Variants in XKR4 observed in about 807,000 individuals in gnomAD.
XKR4 encodes the protein XK-related protein 4.
Under a neutral mutation model 53.9 loss-of-function variants are expected in XKR4, and 12 were observed. That is an observed-to-expected ratio of 0.22 (90% CI 0.14 to 0.36). The LOEUF (loss-of-function observed/expected upper bound fraction) is 0.36. Ranked by LOEUF, XKR4 falls within the 10% of genes least tolerant of loss-of-function variation. The probability of loss-of-function intolerance (pLI) is 1.00; values close to 1 mark genes in which losing one functional copy is unlikely to be tolerated. For missense variants in XKR4, 799 were observed against 859.5 expected (o/e 0.93, Z 0.88); for synonymous variants, 354 against 362.4 (o/e 0.98, Z 0.26).
intron 1 of XKR4, among the ~76,000 whole-genome samples, chr8:55,287,597 T>C (rs1013373499): frequency 6.6e-6 from 1 of 152,258 alleles, no homozygotes; most frequent in Admixed American, 6.5e-5. Flanking sequence ...CATCAGACCC[T>C]GCTGTCCTGA....
chr8:55,471,896 TTCCTGTACAG>T (rs1805890289), intron 2 of XKR4, among the ~76,000 whole-genome samples: 1 of 152,154 alleles, frequency 6.6e-6, no homozygotes, highest in South Asian at 2.1e-4. Context: ...GGCACCACAC[TTCCTGTACAG>T]CCTGCAGAAC....
At chr8:55,318,735 G>T (rs73606977) in intron 1 of XKR4, among the ~76,000 whole-genome samples, 1 of 152,184 alleles carries the variant, frequency 6.6e-6, no homozygotes, top group South Asian at 2.1e-4. Flanking sequence ...AAACATACAC[G>T]CAGAACATTA....
chr8:55,288,969 A>G (rs999103262), intron 1 of XKR4, among the ~76,000 whole-genome samples: 12 of 152,094 alleles, frequency 7.9e-5, no homozygotes, highest in Admixed American at 7.9e-4. Flanking sequence ...TGGACATCCC[A>G]CCAGGACGTT....
chr8:55,340,679 C>T (rs1163991495), intron 1 of XKR4, among the ~76,000 whole-genome samples: 2 of 152,176 alleles, frequency 1.3e-5, no homozygotes, highest in Non-Finnish European at 2.9e-5. Context: ...GATCACTCCT[C>T]GGCATCAAGA....
Position 55,453,146 on chromosome 8 carries a change from G to C in XKR4, c.1007-70135G>C, listed in dbSNP as rs1479362499. 6 of 524,216 alleles carry C rather than the reference G, an allele frequency of 1.1e-5. No homozygotes were observed. In the East Asian group the frequency reaches 3.2e-4, roughly 28 times the overall value. The allele number at this position is 524,216 out of a possible 1,614,324, so 32.5% of individuals were successfully genotyped here. A position where few individuals can be genotyped will look rare whatever the true frequency, so the allele number is the denominator to read the frequency against. On this transcript the variant is annotated intron_variant, in intron 2 of 2. Transcript: ENST00000327381. ...CAGTAGAACACGGCCTCCCAGAACT[G>C]TGGCATGCTCCACACCACGTGCTCC...
At chr8:55,451,580 G>T (rs1384980322) in intron 2 of XKR4, 3 of 1,251,396 alleles carry the variant, frequency 2.4e-6, no homozygotes, top group Non-Finnish European at 3.4e-6. Flanking sequence ...GCCTTGGACC[G>T]CCGGATGCGC....
intron 2 of XKR4, among the ~76,000 whole-genome samples, chr8:55,425,713 A>C (rs545180729): frequency 1.2e-3 from 182 of 152,118 alleles, no homozygotes; most frequent in African/African-American, 4.1e-3. Context: ...TCAAACCCTG[A>C]TCCCTGATGA....
At chr8:55,357,587 T>C in intron 1 of XKR4, 91 bp from the exon 2 acceptor site, 1 of 1,352,746 alleles carries the variant, frequency 7.4e-7, no homozygotes, top group South Asian at 1.3e-5. Context: ...CTTGCTTGCA[T>C]ATGGTGGCTT....
intron 2 of XKR4, among the ~76,000 whole-genome samples, chr8:55,409,639 C>A (rs1368303934): frequency 6.6e-6 from 1 of 151,650 alleles, no homozygotes; most frequent in African/African-American, 2.4e-5. Flanking sequence ...CTTTGATTTG[C>A]CTGTCCTAAA....
chr8:55,158,635 A>G (rs1484152927), intron 1 of XKR4, among the ~76,000 whole-genome samples: 2 of 152,132 alleles, frequency 1.3e-5, no homozygotes, highest in African/African-American at 4.8e-5. Flanking sequence ...GTTCTGTGTT[A>G]TACATTTAAG....
intron 1 of XKR4, among the ~76,000 whole-genome samples, chr8:55,340,996 C>A (rs1803536523): frequency 6.6e-6 from 1 of 152,118 alleles, no homozygotes; most frequent in Non-Finnish European, 1.5e-5. Context: ...AGGAACCATT[C>A]TGGGGTGTTT....
intron 1 of XKR4, among the ~76,000 whole-genome samples, chr8:55,260,516 T>C (rs1247752909): frequency 6.6e-6 from 1 of 152,038 alleles, no homozygotes; most frequent in Non-Finnish European, 1.5e-5. Context: ...TGGACACACA[T>C]GGAGTGAGGT....
intron 1 of XKR4, among the ~76,000 whole-genome samples, chr8:55,269,377 A>G (rs1469227077): frequency 6.6e-6 from 1 of 151,962 alleles, no homozygotes; most frequent in Non-Finnish European, 1.5e-5. Flanking sequence ...TTTTTTTTGT[A>G]TAATTGGTGT....
chr8:55,414,985 G>A (rs1367831062), intron 2 of XKR4, among the ~76,000 whole-genome samples: 1 of 152,186 alleles, frequency 6.6e-6, no homozygotes, highest in Admixed American at 6.5e-5. Flanking sequence ...TGTGGTATTG[G>A]AGTGCCTCCA....
chr8:55,287,576 C>T (rs1358871431), intron 1 of XKR4, among the ~76,000 whole-genome samples: 9 of 152,352 alleles, frequency 5.9e-5, no homozygotes, highest in Non-Finnish European at 1.0e-4. Context: ...TGCTGCATTG[C>T]ACCATTGTGC....
Position 55,523,444 on chromosome 8 carries a change from T to A in XKR4, c.1170T>A (p.Phe390Leu). 6.2e-7 allele frequency: 1 copy of A among 1,614,226 alleles called. No homozygotes were observed. Residue 390 changes from phenylalanine to leucine, a missense_variant, in exon 3 of 3, where the codon TTT (phenylalanine) becomes TTA (leucine). By Grantham distance (22) the Phe-to-Leu change is conservative. Around this residue, in one of 3 missense-constraint regions of XKR4, gnomAD observed 54 missense variants for 89.7 expected, o/e 0.60. Coordinates refer to ENST00000327381, the MANE Select transcript of XKR4 (RefSeq NM_052898.2). ...FFTIAARVIT[F>L]ALFASVFQLY... ...CCATCGCCGCCAGGGTCATCACGTT[T>A]GCCCTCTTTGCCTCGGTTTTCCAGC...
intron 2 of XKR4, chr8:55,451,332 G>A (rs1210214441): frequency 3.2e-6 from 2 of 629,806 alleles, no homozygotes; most frequent in East Asian, 2.8e-5. Flanking sequence ...ACAGAGTGGT[G>A]ACCCTGGCTC....
intron 2 of XKR4, among the ~76,000 whole-genome samples, chr8:55,362,824 A>T (rs1563332978): frequency 6.6e-6 from 1 of 152,218 alleles, no homozygotes; most frequent in Non-Finnish European, 1.5e-5. Flanking sequence ...CTTCCTCAGC[A>T]ATACAGCCTT....
At chr8:55,389,610 G>A (rs888458096) in intron 2 of XKR4, among the ~76,000 whole-genome samples, 10 of 152,250 alleles carry the variant, frequency 6.6e-5, no homozygotes, top group Middle Eastern at 3.4e-3. Context: ...TACCATCCAC[G>A]TGAGAAAAAT....
Sources: gnomAD v4.1 joint callset for allele counts (sites outside exome capture counted in the v4.1 genomes callset) on GRCh38, gnomAD v4.1.1 for gene constraint, gnomAD v4.1.1 regional missense constraint, MANE v1.5 for transcripts, NCBI Gene and HGNC (gene_info 2026-07-23, HGNC 2026-07-21) for gene names.